The following CFAP251 variants were observed in gnomAD, a reference collection of about 807,000 sequenced individuals.
CFAP251 encodes cilia and flagella associated protein 251, also known as cilia- and flagella-associated protein 251.
CFAP251 carries 93 observed loss-of-function variants against 126.7 expected under a neutral mutation model. The ratio of observed to expected loss-of-function variants is 0.73; its 90% confidence interval spans 0.62 to 0.87. The LOEUF (loss-of-function observed/expected upper bound fraction) is 0.87. Among genes scored for constraint, CFAP251 ranks in the 40% least tolerant of loss-of-function variants. The probability of loss-of-function intolerance (pLI) is 0.00; values close to 1 mark genes in which losing one functional copy is unlikely to be tolerated. For synonymous variants in CFAP251, 503 were observed against 506.9 expected (o/e 0.99, Z 0.10); for missense variants, 1,287 against 1,389.2 (o/e 0.93, Z 1.17).
intron 17 of CFAP251, among the ~76,000 whole-genome samples, chr12:121,970,745 C>T (rs907598863): frequency 6.6e-6 from 1 of 152,252 alleles, no homozygotes; most frequent in Non-Finnish European, 1.5e-5. Flanking sequence ...ACAAGAAGGT[C>T]ACGGACAGCG....
chr12:122,001,455 C>G, intron 20 of CFAP251, 42 bp from the exon 21 acceptor site: 1 of 1,475,620 alleles, frequency 6.8e-7, no homozygotes. Context: ...TATGCTTAGC[C>G]TCAAGAGTTA....
intron 3 of CFAP251, among the ~76,000 whole-genome samples, chr12:121,929,147 C>G (rs1423893496): frequency 6.6e-6 from 1 of 151,644 alleles, no homozygotes; most frequent in African/African-American, 2.4e-5. Flanking sequence ...ATGGTGAAAC[C>G]CTGTCTCTAC....
Position 121,990,523 on chromosome 12 carries a change from C to G in CFAP251, c.3007-9193C>G, listed in dbSNP as rs75007556. The stretch of plus-strand genomic sequence containing the variant: ...CTCCTCATGCTTGTTTCCCAGCATA[C>G]AGTGTCTTCCTCTGACCTCCTACTG... On this transcript the variant is annotated intron_variant, in intron 19 of 21. Coordinates refer to ENST00000288912, the MANE Select transcript of CFAP251 (RefSeq NM_144668.6). Among the ~76,000 whole-genome samples the G allele has an allele frequency of 4.0e-3, 616 of 152,296 alleles. 8 individuals are homozygous for G. The highest frequency in any genetic ancestry group is 0.035 in the East Asian group (184 of 5,184).
At position 121,923,118 on chromosome 12, in the gene CFAP251, C is replaced by G. The variant is rs1880259756; in HGVS notation, c.379-504C>G. Among the ~76,000 whole-genome samples the G allele has an allele frequency of 2.7e-5, 4 of 150,236 alleles. No homozygotes were observed. In the South Asian group the frequency reaches 8.6e-4, roughly 32 times the overall value. On this transcript the variant is annotated intron_variant, in intron 2 of 21. Coordinates refer to ENST00000288912, the MANE Select transcript of CFAP251 (RefSeq NM_144668.6). Reference sequence around the variant, plus strand: ...CTCTTTTCTTATCTTTTCCTTTTCCCCCTCCCCTCCCCTCTCCTCCCCTTC... The same window carrying G: ...CTCTTTTCTTATCTTTTCCTTTTCCGCCTCCCCTCCCCTCTCCTCCCCTTC...
At chr12:121,996,658 A>G (rs1195519449) in intron 19 of CFAP251, among the ~76,000 whole-genome samples, 1 of 152,136 alleles carries the variant, frequency 6.6e-6, no homozygotes, top group Non-Finnish European at 1.5e-5. Flanking sequence ...AGAAGGGGAA[A>G]ATTTTTTAAA....
intron 10 of CFAP251, 102 bp from the exon 11 acceptor site, chr12:121,956,972 T>C (rs887459547): frequency 5.6e-6 from 5 of 896,610 alleles, no homozygotes; most frequent in East Asian, 6.0e-5. Context: ...ATTAAGTTTT[T>C]GCAATGCCCC....
chr12:121,947,422 T>C (rs996576966), intron 7 of CFAP251, among the ~76,000 whole-genome samples: 6 of 152,156 alleles, frequency 3.9e-5, no homozygotes, highest in Non-Finnish European at 8.8e-5. Context: ...GATTGCTTTT[T>C]CCCCTTGGTT....
At chr12:122,000,547 CAAA>C (rs36002683) in intron 20 of CFAP251, among the ~76,000 whole-genome samples, 2 of 105,320 alleles carry the variant, frequency 1.9e-5, no homozygotes, top group African/African-American at 4.3e-5. Flanking sequence ...GCGAGACTGT[CAAA>C]AAAAAAAAAA....
chr12:121,925,848 A>G (rs1306014687), intron 3 of CFAP251, among the ~76,000 whole-genome samples: 3 of 151,816 alleles, frequency 2.0e-5, no homozygotes, highest in Non-Finnish European at 4.4e-5. Flanking sequence ...GCTTTTATTT[A>G]TTTATTTATT....
intron 3 of CFAP251, among the ~76,000 whole-genome samples, chr12:121,929,644 C>T (rs1238009188): frequency 6.6e-6 from 1 of 151,962 alleles, no homozygotes; most frequent in African/African-American, 2.4e-5. Flanking sequence ...ACCGATCCAT[C>T]CCTCCCTTCC....
intron 1 of CFAP251, among the ~76,000 whole-genome samples, chr12:121,920,085 G>A (rs1185960568): frequency 3.3e-5 from 5 of 151,770 alleles, no homozygotes; most frequent in African/African-American, 1.2e-4. Flanking sequence ...TCGGGAGGCT[G>A]AGGCAGGAGA....
Position 121,981,661 on chromosome 12 carries a change from T to G in CFAP251, c.3006+5976T>G, listed in dbSNP as rs138137370. Among the ~76,000 whole-genome samples, 258 of 152,278 alleles carry G rather than the reference T, an allele frequency of 1.7e-3. 2 individuals carry two copies. Among genetic ancestry groups the G allele is most frequent in the African/African-American group, 6.1e-3 (252 of 41,562 alleles). ...GCCTGCAGGCACCTGAGGTTCACACTTCTATGAAAGTCACCAAAATGCCAT... is the reference window on the plus strand; with the variant it reads ...GCCTGCAGGCACCTGAGGTTCACACGTCTATGAAAGTCACCAAAATGCCAT... On this transcript the variant is annotated intron_variant, in intron 19 of 21. Coordinates refer to ENST00000288912, the MANE Select transcript of CFAP251 (RefSeq NM_144668.6).
chr12:121,921,789 T>TG, intron 2 of CFAP251, 106 bp downstream of exon 2: 1 of 1,002,206 alleles, frequency 1.0e-6, no homozygotes, highest in East Asian at 2.9e-5. Flanking sequence ...GTACAATCCA[T>TG]TCCTTTTTTT....
At chr12:121,962,231 C>A in intron 15 of CFAP251, 69 bp downstream of exon 15, 1 of 1,479,188 alleles carries the variant, frequency 6.8e-7, no homozygotes, top group Non-Finnish European at 9.3e-7. Flanking sequence ...TGTTTCAGGT[C>A]TCCACATAGG....
At chr12:121,976,868 A>G (rs1592998599) in intron 19 of CFAP251, among the ~76,000 whole-genome samples, 1 of 152,218 alleles carries the variant, frequency 6.6e-6, no homozygotes, top group East Asian at 1.9e-4. Flanking sequence ...TGATTGTGCC[A>G]CTGCACTCCA....
intron 7 of CFAP251, among the ~76,000 whole-genome samples, chr12:121,945,490 C>T (rs1334629171): frequency 4.0e-5 from 6 of 151,202 alleles, no homozygotes; most frequent in Non-Finnish European, 7.4e-5. Context: ...ACTACAGGCA[C>T]GTGCCACCAT....
intron 17 of CFAP251, chr12:121,971,818 G>A (rs1404494390): frequency 3.8e-5 from 20 of 523,822 alleles, no homozygotes; most frequent in East Asian, 6.8e-5. Flanking sequence ...GATAATTCCC[G>A]TGTATGGTGG....
chr12:121,925,356 C>T (rs1003434466), intron 3 of CFAP251, among the ~76,000 whole-genome samples: 3 of 151,354 alleles, frequency 2.0e-5, no homozygotes, highest in Non-Finnish European at 4.4e-5. Flanking sequence ...TCCTAGGATT[C>T]ATCCTTCCTG....
chr12:121,954,636 TAAAAAAA>T (rs1174239421), intron 10 of CFAP251, among the ~76,000 whole-genome samples: 24 of 41,978 alleles, frequency 5.7e-4, no homozygotes, highest in Admixed American at 1.3e-3. Context: ...CCTCCTGTCT[TAAAAAAA>T]AAAAAAAAAA....
Sources: allele counts gnomAD v4.1 joint callset (sites outside exome capture counted in the v4.1 genomes callset), GRCh38; gene constraint gnomAD v4.1.1; transcripts MANE v1.5; gene names NCBI Gene and HGNC (gene_info 2026-07-23, HGNC 2026-07-21).